The following HS3ST4 variants were observed in gnomAD, a reference collection of about 807,000 sequenced individuals.
The protein encoded by HS3ST4 is heparan sulfate glucosamine 3-O-sulfotransferase 4.
Under a neutral mutation model 29.2 loss-of-function variants are expected in HS3ST4, and 17 were observed. The ratio of observed to expected loss-of-function variants is 0.58; its 90% confidence interval spans 0.40 to 0.87. The LOEUF (loss-of-function observed/expected upper bound fraction) is 0.87. HS3ST4 is among the 40% of genes least tolerant of loss of function. HS3ST4 has a pLI of 0.00. For missense variants in HS3ST4, 627 were observed against 634.5 expected (o/e 0.99, Z 0.13); for synonymous variants, 314 against 285.7 (o/e 1.10, Z -1.00).
At chr16:25,914,057 G>A (rs570862892) in intron 1 of HS3ST4, among the ~76,000 whole-genome samples, 1 of 146,256 alleles carries the variant, frequency 6.8e-6, no homozygotes, top group African/African-American at 2.6e-5. Context: ...TGGGGTGTGT[G>A]TGTGCACGGA....
chr16:25,727,852 G>A (rs2141592362), intron 1 of HS3ST4, among the ~76,000 whole-genome samples: 1 of 152,246 alleles, frequency 6.6e-6, no homozygotes, highest in East Asian at 1.9e-4. Context: ...ATACACATGT[G>A]CACACATACT....
At chr16:25,754,011 A>T (rs1029921612) in intron 1 of HS3ST4, among the ~76,000 whole-genome samples, 4 of 152,184 alleles carry the variant, frequency 2.6e-5, no homozygotes, top group African/African-American at 9.6e-5. Flanking sequence ...AGAATCGCTA[A>T]CAAGGACAAT....
chr16:25,899,979 C>G (rs1968106475), intron 1 of HS3ST4, among the ~76,000 whole-genome samples: 1 of 152,162 alleles, frequency 6.6e-6, no homozygotes, highest in African/African-American at 2.4e-5. Context: ...ACCCTGGGAC[C>G]AGCAACTTTC....
Position 26,135,862 on chromosome 16 carries a change from A to G in HS3ST4, c.985A>G (p.Ser329Gly), listed in dbSNP as rs963949847. 6.2e-7 allele frequency: 1 copy of G among 1,613,960 alleles called. No individual in the cohort carries two copies. The highest frequency in any genetic ancestry group is 1.3e-5 in the African/African-American group (1 of 75,034). Reference protein sequence around the residue: ...RTLGLIDASWSAIRIGIYALH... With the variant: ...RTLGLIDASWGAIRIGIYALH... ...CCTCGGGCTGATCGATGCTTCCTGGAGTGCCATTCGAATAGGGATCTATGC... is the reference window on the plus strand; with the variant it reads ...CCTCGGGCTGATCGATGCTTCCTGGGGTGCCATTCGAATAGGGATCTATGC... Residue 329 changes from serine (S) to glycine (G), a missense_variant, in exon 2 of 2, where the codon AGT becomes GGT. Physicochemically the swap from Ser to Gly is moderately conservative, Grantham distance 56. Coordinates refer to ENST00000331351, the MANE Select transcript of HS3ST4 (RefSeq NM_006040.3).
At chr16:25,903,575 T>C (rs1357076190) in intron 1 of HS3ST4, among the ~76,000 whole-genome samples, 1 of 152,026 alleles carries the variant, frequency 6.6e-6, no homozygotes, top group Non-Finnish European at 1.5e-5. Flanking sequence ...CTGACGTTCC[T>C]TACTTATTAG....
In HS3ST4 at chr16:26,136,055, G is replaced by A; in HGVS notation, c.1178G>A (p.Gly393Glu). 1 of 1,613,880 alleles carries A rather than the reference G, an allele frequency of 6.2e-7. No individual in the cohort carries two copies. The highest frequency in any genetic ancestry group is 8.5e-7 in the Non-Finnish European group (1 of 1,179,860). ...EKHFYFNKTK[G>E]FPCLKKPEDS... ...CATTTCTATTTCAACAAAACCAAGG[G>A]GTTCCCTTGCCTAAAGAAGCCAGAA... Residue 393 changes from glycine to glutamate, a missense_variant, in exon 2 of 2, where the codon GGG becomes GAG. By Grantham distance (98) the Gly-to-Glu change is moderately conservative (BLOSUM62 -2). Coordinates refer to ENST00000331351, the MANE Select transcript of HS3ST4 (RefSeq NM_006040.3).
At chr16:26,073,511 A>G (rs1042905733) in intron 1 of HS3ST4, among the ~76,000 whole-genome samples, 1 of 151,988 alleles carries the variant, frequency 6.6e-6, no homozygotes, top group Non-Finnish European at 1.5e-5. Context: ...AGTAGCTGGG[A>G]CTACAGGTGT....
intron 1 of HS3ST4, among the ~76,000 whole-genome samples, chr16:25,711,679 ACT>A (rs1966416614): frequency 6.6e-6 from 1 of 151,672 alleles, no homozygotes; most frequent in Non-Finnish European, 1.5e-5. Flanking sequence ...TAGTAACATC[ACT>A]CTCTTGTTAT....
intron 1 of HS3ST4, among the ~76,000 whole-genome samples, chr16:26,117,825 T>C (rs899545097): frequency 2.6e-5 from 4 of 152,210 alleles, no homozygotes; most frequent in Non-Finnish European, 2.9e-5. Context: ...TAAGCACCTA[T>C]GATGTACCAT....
rs532968723 is a variant in HS3ST4, at chr16:25,883,637, T to C, written c.734+190486T>C. Among the ~76,000 whole-genome samples, 7 of 152,306 alleles carry C rather than the reference T, an allele frequency of 4.6e-5. 1 individual carries two copies. In the East Asian group the frequency reaches 1.4e-3, roughly 29 times the overall value. On this transcript the variant is annotated intron_variant, in intron 1 of 1. Transcript: ENST00000331351. ...AATTTGTCCAAGGAAAGCAGTGACA[T>C]TTCAGGAATGAGTAACCATGGTGTG...
chr16:25,754,130 G>A lies in HS3ST4; in HGVS notation c.734+60979G>A, dbSNP rs143196574. On this transcript the variant is annotated intron_variant, in intron 1 of 1. Coordinates refer to ENST00000331351, the MANE Select transcript of HS3ST4 (RefSeq NM_006040.3). ...GAAGCCTGAATCATGAGAAAGTGCCGGTCTTATAAAGAGCTGGGGAAAGGG... is the reference window on the plus strand; with the variant it reads ...GAAGCCTGAATCATGAGAAAGTGCCAGTCTTATAAAGAGCTGGGGAAAGGG... 2.9e-4 allele frequency among the ~76,000 whole-genome samples: 44 copies of A among 152,182 alleles called. No homozygotes were observed. In the East Asian group the frequency reaches 6.9e-3, roughly 24 times the overall value.
At position 26,115,264 on chromosome 16, in the gene HS3ST4, T is replaced by TACAC. The variant is rs368821262; in HGVS notation, c.735-20347_735-20346insCACA. Reference sequence around the variant, plus strand: ...GTGTGTGTATATATATATACATATATATACACACACACACACACACACAAG... The same window carrying TACAC: ...GTGTGTGTATATATATATACATATATACACATACACACACACACACACACACAAG... On this transcript the variant is annotated intron_variant, in intron 1 of 1. Transcript: ENST00000331351. 6.4e-3 allele frequency among the ~76,000 whole-genome samples: 879 copies of TACAC among 136,610 alleles called. 15 individuals are homozygous for TACAC. The highest frequency in any genetic ancestry group is 0.019 in the African/African-American group (779 of 40,122). The allele number at this position is 136,610 out of a possible 152,430, so 89.6% of individuals were successfully genotyped here.
chr16:25,962,057 G>T (rs547118729), intron 1 of HS3ST4, among the ~76,000 whole-genome samples: 1 of 152,190 alleles, frequency 6.6e-6, no homozygotes, highest in Non-Finnish European at 1.5e-5. Context: ...CCAGGTTGTA[G>T]TATGTGGTTA....
intron 1 of HS3ST4, among the ~76,000 whole-genome samples, chr16:26,056,919 G>A (rs920440710): frequency 2.6e-5 from 4 of 152,146 alleles, no homozygotes; most frequent in Admixed American, 2.6e-4. Flanking sequence ...GGTATACTTT[G>A]TGGAGTAGTT....
chr16:25,925,655 C>T (rs936745947), intron 1 of HS3ST4, among the ~76,000 whole-genome samples: 1 of 152,176 alleles, frequency 6.6e-6, no homozygotes, highest in Non-Finnish European at 1.5e-5. Context: ...CACTTCACTC[C>T]ACTCTCATGT....
intron 1 of HS3ST4, among the ~76,000 whole-genome samples, chr16:26,091,757 C>T (rs193199250): frequency 1.4e-3 from 211 of 152,274 alleles, no homozygotes; most frequent in Middle Eastern, 3.4e-3. Context: ...CTGTTAAGTT[C>T]CCATGATGTG....
At chr16:25,988,201 A>G (rs1315424320) in intron 1 of HS3ST4, among the ~76,000 whole-genome samples, 1 of 152,166 alleles carries the variant, frequency 6.6e-6, no homozygotes, top group Non-Finnish European at 1.5e-5. Context: ...GCCCGCTCAC[A>G]TCCTATTAAC....
chr16:25,916,005 A>G lies in HS3ST4; in HGVS notation c.735-219607A>G, dbSNP rs148448558. 2.0e-4 allele frequency among the ~76,000 whole-genome samples: 31 copies of G among 152,372 alleles called. No individual in the cohort carries two copies. In the East Asian group the frequency reaches 3.5e-3, roughly 17 times the overall value. On this transcript the variant is annotated intron_variant, in intron 1 of 1. Transcript: ENST00000331351. ...GAAAATGATCAGTATCAGTTTTTAG[A>G]GTAAACATCATAGTGGTCCTTACTT...
intron 1 of HS3ST4, among the ~76,000 whole-genome samples, chr16:25,794,989 G>A (rs1486007714): frequency 6.0e-5 from 3 of 50,246 alleles, no homozygotes; most frequent in African/African-American, 2.1e-4. Flanking sequence ...TTTTTTTTTT[G>A]GTGATGCAGT....
Sources: gnomAD v4.1 joint callset for allele counts (sites outside exome capture counted in the v4.1 genomes callset) on GRCh38, gnomAD v4.1.1 for gene constraint, MANE v1.5 for transcripts, NCBI Gene and HGNC (gene_info 2026-07-23, HGNC 2026-07-21) for gene names.